TUSC3: variants seen among roughly 807,000 people sequenced by gnomAD.
The protein encoded by TUSC3 is tumor suppressor candidate 3, also known as dolichyl-diphosphooligosaccharide--protein glycosyltransferase subunit TUSC3.
In TUSC3, 45 loss-of-function variants were observed where a neutral mutation model predicts 44.8. The observed-to-expected ratio is 1.00, with a 90% CI of 0.79 to 1.29. The LOEUF is 1.29. Ranked by LOEUF, TUSC3 falls within the 50% of genes most tolerant of loss-of-function variation. TUSC3 has a pLI of 0.00. For missense variants in TUSC3, 519 were observed against 437.9 expected (o/e 1.19, Z -1.65); for synonymous variants, 212 against 152.9 (o/e 1.39, Z -2.85).
chr8:15,483,713 T>A (rs1396521398), intron 2 of TUSC3, among the ~76,000 whole-genome samples: 1 of 139,368 alleles, frequency 7.2e-6, no homozygotes, highest in Non-Finnish European at 1.5e-5. Context: ...TGGAGTGCAG[T>A]GGTGCCATCT....
chr8:15,582,638 G>A (rs539405675), intron 1 of TUSC3, among the ~76,000 whole-genome samples: 170 of 152,292 alleles, frequency 1.1e-3, no homozygotes, highest in African/African-American at 3.7e-3. Flanking sequence ...AGAGTCAAGA[G>A]GCTAGGGGGA....
At chr8:15,704,147 AAAG>A (rs1809518347) in intron 6 of TUSC3, among the ~76,000 whole-genome samples, 1 of 152,088 alleles carries the variant, frequency 6.6e-6, no homozygotes, top group African/African-American at 2.4e-5. Context: ...GCCTATCTGA[AAAG>A]AAGTCATTTA....
At chr8:15,603,688 A>G (rs1030662842) in intron 1 of TUSC3, among the ~76,000 whole-genome samples, 2 of 151,658 alleles carry the variant, frequency 1.3e-5, no homozygotes, top group East Asian at 1.9e-4. Flanking sequence ...AATGATGATG[A>G]ACATGAACTG....
intron 1 of TUSC3, among the ~76,000 whole-genome samples, chr8:15,582,280 A>C (rs1019518878): frequency 2.0e-5 from 3 of 152,096 alleles, no homozygotes; most frequent in African/African-American, 7.2e-5. Flanking sequence ...TGGGTCGCTC[A>C]CGCTGGGAGC....
chr8:15,637,506 TA>T (rs1806135811), intron 2 of TUSC3, among the ~76,000 whole-genome samples: 1 of 152,208 alleles, frequency 6.6e-6, no homozygotes, highest in South Asian at 2.1e-4. Flanking sequence ...TAATGATATT[TA>T]CTTTAGGTTG....
At chr8:15,443,107 C>G (rs947582795) in intron 1 of TUSC3, among the ~76,000 whole-genome samples, 9 of 152,190 alleles carry the variant, frequency 5.9e-5, no homozygotes, top group Middle Eastern at 3.4e-3. Flanking sequence ...GTCTCTCTCC[C>G]CTACTGTAGT....
chr8:15,809,839 C>T, the TUSC3 span, among the ~76,000 whole-genome samples: 4 of 152,170 alleles, frequency 2.6e-5, no homozygotes, highest in East Asian at 5.8e-4. Context: ...CAATGCCAGA[C>T]TTCTCCTTGC....
At chr8:15,437,077 G>C (rs1370895793) in intron 1 of TUSC3, among the ~76,000 whole-genome samples, 2 of 152,090 alleles carry the variant, frequency 1.3e-5, no homozygotes, top group Admixed American at 1.3e-4. Flanking sequence ...AAGGAAATTA[G>C]TCTTTTGAGT....
rs139285259 is a variant in TUSC3 at position 15,645,973 on chromosome 8, A to G, written c.309-4724A>G. Among the ~76,000 whole-genome samples the G allele has an allele frequency of 2.8e-3, 433 of 152,224 alleles. 3 individuals carry two copies. The highest frequency in any genetic ancestry group is 0.01 in the African/African-American group (416 of 41,562). The stretch of plus-strand genomic sequence containing the variant: ...TTATGATATAGTGGCTGGCTATGAA[A>G]CTATATTATTCATCATCAGTATCAT... On this transcript the variant is annotated intron_variant, in intron 2 of 10. Coordinates refer to ENST00000503731, the MANE Select transcript of TUSC3 (RefSeq NM_006765.4).
At chr8:15,726,695 A>G (rs957392358) in intron 6 of TUSC3, among the ~76,000 whole-genome samples, 1 of 151,952 alleles carries the variant, frequency 6.6e-6, no homozygotes, top group East Asian at 1.9e-4. Flanking sequence ...AATCCCAGCT[A>G]CTCTCGAGGC....
the TUSC3 span, among the ~76,000 whole-genome samples, chr8:15,830,123 C>A: frequency 6.6e-6 from 1 of 151,360 alleles, no homozygotes; most frequent in African/African-American, 2.4e-5. Flanking sequence ...TGTCCTCTGC[C>A]CACTTTGTAA....
intron 10 of TUSC3, among the ~76,000 whole-genome samples, chr8:15,762,309 G>A (rs1482041041): frequency 6.6e-6 from 1 of 151,708 alleles, no homozygotes; most frequent in Non-Finnish European, 1.5e-5. Flanking sequence ...TAACTAACAA[G>A]TAATCAGTTT....
chr8:15,712,079 A>T (rs978427050), intron 6 of TUSC3, among the ~76,000 whole-genome samples: 1 of 151,934 alleles, frequency 6.6e-6, no homozygotes, highest in African/African-American at 2.4e-5. Flanking sequence ...ATTTTCTAGG[A>T]TTGAATATAT....
At chr8:15,487,811 G>C (rs1454167360) in intron 2 of TUSC3, among the ~76,000 whole-genome samples, 1 of 151,268 alleles carries the variant, frequency 6.6e-6, no homozygotes, top group Admixed American at 6.6e-5. Context: ...ATTTGACATC[G>C]TTGTTTTAAA....
intron 2 of TUSC3, among the ~76,000 whole-genome samples, chr8:15,640,089 G>A (rs966223981): frequency 5.9e-5 from 9 of 152,130 alleles, no homozygotes; most frequent in Non-Finnish European, 1.2e-4. Flanking sequence ...GAGAAGGGTG[G>A]TTCACTGTCC....
intron 1 of TUSC3, among the ~76,000 whole-genome samples, chr8:15,560,813 G>A (rs1197651116): frequency 9.7e-6 from 1 of 103,578 alleles, no homozygotes; most frequent in African/African-American, 3.6e-5. Flanking sequence ...TGAGGCTTCT[G>A]CATTCTTCAC....
chr8:15,707,457 A>C (rs532400076), intron 6 of TUSC3, among the ~76,000 whole-genome samples: 1 of 152,078 alleles, frequency 6.6e-6, no homozygotes, highest in South Asian at 2.1e-4. Flanking sequence ...ATTTTTGATC[A>C]TATATTGTGG....
intron 2 of TUSC3, among the ~76,000 whole-genome samples, chr8:15,633,559 A>T (rs998349492): frequency 6.6e-6 from 1 of 152,138 alleles, no homozygotes; most frequent in African/African-American, 2.4e-5. Context: ...ATCCAATATG[A>T]CCGATGCCAT....
chr8:15,489,603 T>G (rs1006653263), intron 2 of TUSC3, among the ~76,000 whole-genome samples: 5 of 152,212 alleles, frequency 3.3e-5, no homozygotes, highest in African/African-American at 4.8e-5. Context: ...TTCATTTCTT[T>G]CAGGATCTGC....
Sources: gnomAD v4.1 joint callset for allele counts (sites outside exome capture counted in the v4.1 genomes callset) on GRCh38, gnomAD v4.1.1 for gene constraint, MANE v1.5 for transcripts, NCBI Gene and HGNC (gene_info 2026-07-23, HGNC 2026-07-21) for gene names.